The following BMPR1A variants were observed in gnomAD, a reference collection of about 807,000 sequenced individuals.
The protein encoded by BMPR1A is bone morphogenetic protein receptor type 1A, also known as bone morphogenetic protein receptor type-1A.
In BMPR1A, 7 loss-of-function variants were observed where a neutral mutation model predicts 66.0. The ratio of observed to expected loss-of-function variants is 0.11; its 90% CI spans 0.06 to 0.20. BMPR1A has a LOEUF of 0.20. BMPR1A is among the 10% of genes least tolerant of loss of function. The probability of loss-of-function intolerance (pLI) is 1.00; values close to 1 mark genes in which losing one functional copy is unlikely to be tolerated. For missense variants in BMPR1A, 408 were observed against 669.1 expected, an observed-to-expected ratio of 0.61 and a Z score of 4.31; for synonymous variants, 200 against 229.7, an observed-to-expected ratio of 0.87 and a Z score of 1.17.
At chr10:86,929,447 G>A (rs552114802), downstream of BMPR1A, 1 of 152,302 alleles carries the variant, frequency 6.6e-6, no homozygotes, top group Admixed American at 6.5e-5. Context: ...CGCCAGTCAG[G>A]GCTGTTTTCA....
chr10:86,801,281 G>A (rs1161385379), intron 1 of BMPR1A, among the ~76,000 whole-genome samples: 1 of 152,150 alleles, frequency 6.6e-6, no homozygotes, highest in South Asian at 2.1e-4. Context: ...AGTTGGTGGC[G>A]TGCGCCACCA....
intron 1 of BMPR1A, among the ~76,000 whole-genome samples, chr10:86,796,659 T>C (rs956038211): frequency 6.6e-6 from 1 of 151,564 alleles, no homozygotes; most frequent in Non-Finnish European, 1.5e-5. Context: ...TCACTGCAAC[T>C]TCCCCCTCCT....
At chr10:86,885,375 A>C (rs1427886179) in intron 3 of BMPR1A, among the ~76,000 whole-genome samples, 3 of 152,152 alleles carry the variant, frequency 2.0e-5, no homozygotes, top group African/African-American at 7.2e-5. Context: ...GGCAGAATTG[A>C]ATAGTTGTGA....
At chr10:86,853,978 G>C (rs1389335005) in intron 2 of BMPR1A, among the ~76,000 whole-genome samples, 2 of 152,144 alleles carry the variant, frequency 1.3e-5, no homozygotes, top group African/African-American at 4.8e-5. Flanking sequence ...GAATTTCCTT[G>C]TCCTAATAAG....
chr10:86,817,239 TAAC>T (rs1260068776), intron 1 of BMPR1A, among the ~76,000 whole-genome samples: 1 of 152,242 alleles, frequency 6.6e-6, no homozygotes, highest in Non-Finnish European at 1.5e-5. Flanking sequence ...AAAGCTGAAA[TAAC>T]AACTCTCCCT....
chr10:86,793,899 A>G (rs1304928620), intron 1 of BMPR1A, among the ~76,000 whole-genome samples: 1 of 152,108 alleles, frequency 6.6e-6, no homozygotes, highest in Non-Finnish European at 1.5e-5. Context: ...CAGCCTCTAG[A>G]GGCTGGCTGC....
intron 5 of BMPR1A, among the ~76,000 whole-genome samples, chr10:86,896,725 G>A (rs902313817): frequency 4.6e-5 from 7 of 152,200 alleles, no homozygotes; most frequent in Admixed American, 3.3e-4. Flanking sequence ...CTATGTCAAA[G>A]TGTCATTATG....
At chr10:86,876,627 A>G (rs1045262263) in intron 3 of BMPR1A, among the ~76,000 whole-genome samples, 3 of 152,080 alleles carry the variant, frequency 2.0e-5, no homozygotes, top group Admixed American at 1.3e-4. Flanking sequence ...ACCAAAAAAT[A>G]CAAAAATTAG....
chr10:86,765,952 G>C (rs1257145872), intron 1 of BMPR1A, among the ~76,000 whole-genome samples: 1 of 148,286 alleles, frequency 6.7e-6, no homozygotes, highest in Non-Finnish European at 1.5e-5. Context: ...TATATAGGGG[G>C]ATTCTTTTTA....
intron 1 of BMPR1A, among the ~76,000 whole-genome samples, chr10:86,834,670 T>G (rs879334305): frequency 6.6e-6 from 1 of 152,204 alleles, no homozygotes; most frequent in Non-Finnish European, 1.5e-5. Context: ...GGTGGTTACA[T>G]GTTTATTATA....
intron 1 of BMPR1A, among the ~76,000 whole-genome samples, chr10:86,834,039 A>T (rs1216981208): frequency 3.3e-5 from 5 of 152,204 alleles, no homozygotes; most frequent in African/African-American, 1.2e-4. Context: ...ATTGCATGCA[A>T]AAAGGCTGGG....
chr10:86,892,777 T>TG (rs1249689280), intron 5 of BMPR1A, among the ~76,000 whole-genome samples: 19 of 151,034 alleles, frequency 1.3e-4, no homozygotes, highest in African/African-American at 3.4e-4. Flanking sequence ...GCAGAAGAAT[T>TG]GCTTGAGCCG....
chr10:86,806,254 T>A (rs1320049884), intron 1 of BMPR1A, among the ~76,000 whole-genome samples: 2 of 152,168 alleles, frequency 1.3e-5, no homozygotes, highest in South Asian at 2.1e-4. Flanking sequence ...TTTTCCAGTT[T>A]CTCTTCTCTA....
chr10:86,926,613 T>C lies in BMPR1A; in HGVS notation c.*2894T>C, dbSNP rs567570870. Reference sequence around the variant, plus strand: ...CCACTCTTATTCTTAAATCTGAAGCTCATCGACTAAGTGAAATATTTAAAG... The same window carrying C: ...CCACTCTTATTCTTAAATCTGAAGCCCATCGACTAAGTGAAATATTTAAAG... On this transcript the variant is annotated 3_prime_UTR_variant, in exon 13 of 13. Transcript: ENST00000372037. 1 of 180,656 alleles carries C rather than the reference T, an allele frequency of 5.5e-6. No individual in the cohort carries two copies. Among genetic ancestry groups the C allele is most frequent in the African/African-American group, 2.4e-5 (1 of 42,516 alleles). The allele number at this position is 180,656 out of a possible 1,614,324, so 11.2% of individuals were successfully genotyped here. A position where few individuals can be genotyped will look rare whatever the true frequency, so the allele number is the denominator to read the frequency against.
chr10:86,839,398 G>C (rs1842394496), intron 2 of BMPR1A, among the ~76,000 whole-genome samples: 1 of 152,016 alleles, frequency 6.6e-6, no homozygotes, highest in Non-Finnish European at 1.5e-5. Flanking sequence ...TTCGAGACCA[G>C]CCTGGCCAAC....
At chr10:86,792,063 CTTTTTT>C (rs35251758) in intron 1 of BMPR1A, among the ~76,000 whole-genome samples, 1 of 83,602 alleles carries the variant, frequency 1.2e-5, no homozygotes, top group Non-Finnish European at 2.3e-5. Flanking sequence ...ACTGTCAGAT[CTTTTTT>C]TTTTTTTTTT....
At chr10:86,814,302 T>G (rs966470771) in intron 1 of BMPR1A, among the ~76,000 whole-genome samples, 9 of 152,094 alleles carry the variant, frequency 5.9e-5, no homozygotes, top group African/African-American at 1.9e-4. Flanking sequence ...TTTTCTTAAT[T>G]TTGGCAAAAA....
chr10:86,853,567 G>A (rs970175172), intron 2 of BMPR1A, among the ~76,000 whole-genome samples: 1 of 151,646 alleles, frequency 6.6e-6, no homozygotes, highest in Non-Finnish European at 1.5e-5. Context: ...AACCTGCCCC[G>A]ATAGTCATGT....
chr10:86,782,702 T>G (rs1217319656), intron 1 of BMPR1A, among the ~76,000 whole-genome samples: 2 of 152,086 alleles, frequency 1.3e-5, no homozygotes, highest in Non-Finnish European at 1.5e-5. Flanking sequence ...TTATTTGTGG[T>G]TTTTGTTTTG....
Sources: gnomAD v4.1 joint callset for allele counts (sites outside exome capture counted in the v4.1 genomes callset) on GRCh38, gnomAD v4.1.1 for gene constraint, MANE v1.5 for transcripts, NCBI Gene and HGNC (gene_info 2026-07-23, HGNC 2026-07-21) for gene names.